The following KDM4C variants were observed in gnomAD, a reference collection of about 807,000 sequenced individuals.
The protein encoded by KDM4C is lysine-specific demethylase 4C.
A neutral mutation model predicts 129.3 loss-of-function variants in KDM4C; 81 were observed. That is an observed-to-expected ratio of 0.63 (90% CI 0.52 to 0.75). KDM4C has a LOEUF of 0.75. KDM4C is among the 30% of genes least tolerant of loss of function. The probability of loss-of-function intolerance (pLI) is 0.00; values close to 1 mark genes in which losing one functional copy is unlikely to be tolerated. For synonymous variants in KDM4C, 573 were observed against 456.1 expected, an observed-to-expected ratio of 1.26 and a Z score of -3.26; for missense variants, 1,457 against 1,304.0, an observed-to-expected ratio of 1.12 and a Z score of -1.81.
chr9:7,149,350 G>A (rs986493416), intron 19 of KDM4C, among the ~76,000 whole-genome samples: 1 of 152,230 alleles, frequency 6.6e-6, no homozygotes, highest in African/African-American at 2.4e-5. Context: ...CCAGGGAGTG[G>A]AAGCAGGCAC....
intron 8 of KDM4C, among the ~76,000 whole-genome samples, chr9:6,946,290 T>G (rs1229072124): frequency 6.6e-6 from 1 of 152,134 alleles, no homozygotes; most frequent in African/African-American, 2.4e-5. Context: ...TATTTTAATT[T>G]TATTTTTTAT....
intron 1 of KDM4C, among the ~76,000 whole-genome samples, chr9:6,766,483 A>T (rs916974900): frequency 6.6e-6 from 1 of 150,788 alleles, no homozygotes; most frequent in African/African-American, 2.4e-5. Context: ...TCGGTGTGGG[A>T]CATTTTAGTG....
intron 4 of KDM4C, among the ~76,000 whole-genome samples, chr9:6,832,955 T>G (rs1259149725): frequency 2.0e-5 from 3 of 150,490 alleles, no homozygotes; most frequent in Admixed American, 6.6e-5. Context: ...AGGCTGGTCT[T>G]GAACTCCTGA....
At chr9:6,975,941 G>T (rs1241827584) in intron 8 of KDM4C, among the ~76,000 whole-genome samples, 1 of 152,214 alleles carries the variant, frequency 6.6e-6, no homozygotes, top group Non-Finnish European at 1.5e-5. Context: ...GGGAGGCTGA[G>T]GCAGGAGAAT....
At chr9:6,756,022 T>C (rs1298497628), upstream of KDM4C, among the ~76,000 whole-genome samples, 3 of 152,214 alleles carry the variant, frequency 2.0e-5, no homozygotes, top group African/African-American at 4.8e-5. Context: ...TAATTCACAA[T>C]GGTAAAGAAA....
At chr9:7,141,425 G>C (rs947734294) in intron 19 of KDM4C, among the ~76,000 whole-genome samples, 14 of 152,230 alleles carry the variant, frequency 9.2e-5, no homozygotes, top group Non-Finnish European at 4.4e-5. Context: ...TGGGAGGCCA[G>C]TTAGGAGAAT....
At chr9:7,151,531 C>G (rs1842729934) in intron 19 of KDM4C, among the ~76,000 whole-genome samples, 1 of 152,090 alleles carries the variant, frequency 6.6e-6, no homozygotes, top group Admixed American at 6.6e-5. Context: ...AAAAATTAGC[C>G]AAGCATGGTG....
Position 7,079,623 on chromosome 9 carries a change from G to T in KDM4C, c.2425-24062G>T, listed in dbSNP as rs1397767937. 2.0e-5 allele frequency among the ~76,000 whole-genome samples: 3 copies of T among 152,310 alleles called. No individual in the cohort carries two copies. In the South Asian group the frequency reaches 6.2e-4, roughly 32 times the overall value. ...AGGCGTGAGCCACGGCACCCAGCCT[G>T]AGAGTGACTTTGAACAAACTACCCT... On this transcript the variant is annotated intron_variant, in intron 17 of 21. Transcript: ENST00000381309.
chr9:6,818,522 G>T (rs560923305), intron 4 of KDM4C, among the ~76,000 whole-genome samples: 1 of 152,198 alleles, frequency 6.6e-6, no homozygotes, highest in Admixed American at 6.5e-5. Flanking sequence ...TCTGGGAAGG[G>T]TGTGGCAGCA....
intron 8 of KDM4C, among the ~76,000 whole-genome samples, chr9:6,937,750 C>T (rs768113536): frequency 6.6e-6 from 1 of 152,056 alleles, no homozygotes; most frequent in South Asian, 2.1e-4. Context: ...CTTGCTCTGT[C>T]GCCGAGGCTG....
chr9:6,906,688 C>T (rs549506586), intron 8 of KDM4C, among the ~76,000 whole-genome samples: 3 of 152,294 alleles, frequency 2.0e-5, no homozygotes, highest in South Asian at 4.1e-4. Context: ...GTGATCCTCT[C>T]GTTTCAGCCT....
At chr9:7,116,068 A>G (rs7862227) in intron 18 of KDM4C, among the ~76,000 whole-genome samples, 68,214 of 152,028 alleles carry the variant, frequency 0.45, 15,636 homozygotes, top group East Asian at 0.74. Flanking sequence ...GTTTCTTCTG[A>G]AATGATGTTC....
intron 8 of KDM4C, among the ~76,000 whole-genome samples, chr9:6,949,864 G>A (rs1827805003): frequency 6.6e-6 from 1 of 151,922 alleles, no homozygotes; most frequent in Non-Finnish European, 1.5e-5. Context: ...AGAGGGAGAG[G>A]GACCATTTTT....
intron 8 of KDM4C, among the ~76,000 whole-genome samples, chr9:6,932,890 T>A (rs1824019057): frequency 6.6e-6 from 1 of 152,216 alleles, no homozygotes; most frequent in African/African-American, 2.4e-5. Context: ...ATATCAATCA[T>A]GTAGAGATTG....
intron 16 of KDM4C, among the ~76,000 whole-genome samples, chr9:7,047,800 A>G (rs1433115192): frequency 6.6e-6 from 1 of 152,052 alleles, no homozygotes; most frequent in African/African-American, 2.4e-5. Flanking sequence ...AAGTTGGGAT[A>G]GAACCCAGTG....
chr9:7,034,694 G>A (rs1827336790), intron 15 of KDM4C, among the ~76,000 whole-genome samples: 1 of 152,164 alleles, frequency 6.6e-6, no homozygotes, highest in Admixed American at 6.5e-5. Context: ...TAAATTCCCA[G>A]TAGTGGTATT....
At chr9:7,013,714 A>T in intron 13 of KDM4C, 74 bp from the exon 14 acceptor site, 4 of 1,350,260 alleles carry the variant, frequency 3.0e-6, no homozygotes, top group Non-Finnish European at 4.1e-6. Context: ...AACAGGAGTT[A>T]GTGGATTTGA....
chr9:6,932,100 T>C (rs1181620810), intron 8 of KDM4C, among the ~76,000 whole-genome samples: 2 of 152,076 alleles, frequency 1.3e-5, no homozygotes, highest in African/African-American at 4.8e-5. Context: ...GAGGCCTTGG[T>C]GTTTGGGGTG....
chr9:6,797,631 A>G (rs886388297), intron 2 of KDM4C, among the ~76,000 whole-genome samples: 3 of 152,222 alleles, frequency 2.0e-5, no homozygotes, highest in Non-Finnish European at 4.4e-5. Context: ...ATCTGAACAT[A>G]GATTGTCCTG....
Sources: allele counts gnomAD v4.1 joint callset (sites outside exome capture counted in the v4.1 genomes callset), GRCh38; gene constraint gnomAD v4.1.1; transcripts MANE v1.5; gene names NCBI Gene and HGNC (gene_info 2026-07-23, HGNC 2026-07-21).